The following KCNH5 variants were observed in gnomAD, a reference collection of about 807,000 sequenced individuals.
The protein encoded by KCNH5 is voltage-gated delayed rectifier potassium channel KCNH5.
A neutral mutation model predicts 96.1 loss-of-function variants in KCNH5; 46 were observed. That is an observed-to-expected ratio of 0.48 (90% CI 0.38 to 0.61). The LOEUF (loss-of-function observed/expected upper bound fraction) is 0.61, where lower values mean the gene tolerates loss of function less well. Among genes scored for constraint, KCNH5 ranks in the 20% least tolerant of loss-of-function variants. KCNH5 has a pLI of 0.00. For missense variants in KCNH5, 907 were observed against 1,225.8 expected (o/e 0.74, Z 3.88); for synonymous variants, 439 against 449.8 (o/e 0.98, Z 0.30).
At chr14:62,999,222 G>A (rs887434181) in intron 4 of KCNH5, among the ~76,000 whole-genome samples, 6 of 152,110 alleles carry the variant, frequency 3.9e-5, no homozygotes, top group Non-Finnish European at 8.8e-5. Flanking sequence ...TTTAATGATT[G>A]CCATTCTAAC....
At chr14:63,006,538 C>A (rs771600403) in intron 2 of KCNH5, 66 bp from the exon 3 acceptor site, 88 of 905,238 alleles carry the variant, frequency 9.7e-5, no homozygotes, top group Non-Finnish European at 1.5e-4. Flanking sequence ...CTACAAAAAT[C>A]ATATAATTGT....
rs1886168818 is a variant in KCNH5, at chr14:62,779,757, G to T, written c.1990C>A (p.Leu664Ile). The change falls in exon 10 of 11, where the codon CTC (leucine) becomes ATC (isoleucine). Residue 664 changes from leucine to isoleucine, a missense_variant. By Grantham distance (5) the Leu-to-Ile change is conservative. Transcript: ENST00000322893. ...TTCCTCAGATTGCAAGTAAGAGTGA[G>T]ATTCCTTGAGAAGGAGTTTGCAAAA... The part of the protein sequence containing the change: ...TAFANSFSRN[L>I]TLTCNLRKRI... 2.5e-6 allele frequency: 4 copies of T among 1,613,878 alleles called. No individual in the cohort carries two copies. The highest frequency in any genetic ancestry group is 3.4e-6 in the Non-Finnish European group (4 of 1,179,874).
chr14:62,895,883 C>A (rs1023804556), intron 7 of KCNH5, among the ~76,000 whole-genome samples: 5 of 152,178 alleles, frequency 3.3e-5, no homozygotes, highest in African/African-American at 1.2e-4. Context: ...ACTTTGAACT[C>A]TGCCTTCTAT....
intron 7 of KCNH5, among the ~76,000 whole-genome samples, chr14:62,935,034 T>C (rs1414335448): frequency 6.6e-6 from 1 of 152,096 alleles, no homozygotes; most frequent in Admixed American, 6.6e-5. Context: ...AGTACAGCCA[T>C]AGCACAGATG....
chr14:62,997,305 T>C (rs1189105775), intron 4 of KCNH5, among the ~76,000 whole-genome samples: 2 of 150,340 alleles, frequency 1.3e-5, no homozygotes, highest in Non-Finnish European at 2.9e-5. Context: ...GGGGAGATGG[T>C]TAATGGGTAT....
chr14:62,723,034 A>T (rs1884849156), intron 10 of KCNH5, among the ~76,000 whole-genome samples: 1 of 152,228 alleles, frequency 6.6e-6, no homozygotes, highest in Non-Finnish European at 1.5e-5. Context: ...CATTGTCCCC[A>T]GAAACACATC....
intron 10 of KCNH5, among the ~76,000 whole-genome samples, chr14:62,747,578 T>C (rs936122619): frequency 6.6e-6 from 1 of 151,886 alleles, no homozygotes; most frequent in African/African-American, 2.4e-5. Flanking sequence ...AGGATGAGCT[T>C]AGAACCTGTA....
At chr14:62,810,545 A>G (rs1334320864) in intron 8 of KCNH5, among the ~76,000 whole-genome samples, 1 of 152,118 alleles carries the variant, frequency 6.6e-6, no homozygotes, top group Non-Finnish European at 1.5e-5. Flanking sequence ...CTGATAAAAT[A>G]GCTTGCAGTA....
At chr14:62,795,601 G>C (rs1248006028) in intron 9 of KCNH5, among the ~76,000 whole-genome samples, 3 of 152,284 alleles carry the variant, frequency 2.0e-5, no homozygotes, top group African/African-American at 4.8e-5. Context: ...GTCTCTGTGA[G>C]GGTGTTCTGA....
chr14:62,857,895 A>C (rs1887960165), intron 7 of KCNH5, among the ~76,000 whole-genome samples: 1 of 152,166 alleles, frequency 6.6e-6, no homozygotes, highest in Non-Finnish European at 1.5e-5. Context: ...ACTTGAACCC[A>C]TATACATCTC....
At chr14:62,898,119 T>G (rs973605987) in intron 7 of KCNH5, among the ~76,000 whole-genome samples, 2 of 152,144 alleles carry the variant, frequency 1.3e-5, no homozygotes, top group African/African-American at 4.8e-5. Flanking sequence ...TTAAGTATCT[T>G]AGAATATGTT....
chr14:63,038,018 AGGAAGTGAACATG>A (rs1201902900), intron 1 of KCNH5, among the ~76,000 whole-genome samples: 6 of 152,216 alleles, frequency 3.9e-5, no homozygotes, highest in Non-Finnish European at 8.8e-5. Context: ...AATTTGGAAT[AGGAAGTGAACATG>A]GGATCCATTT....
chr14:62,986,010 C>G (rs1362635359), intron 5 of KCNH5, among the ~76,000 whole-genome samples: 2 of 152,150 alleles, frequency 1.3e-5, no homozygotes, highest in Admixed American at 6.5e-5. Context: ...ACACACTATT[C>G]TAATGTATTA....
chr14:62,766,922 T>C (rs1282724025), intron 10 of KCNH5, among the ~76,000 whole-genome samples: 1 of 152,080 alleles, frequency 6.6e-6, no homozygotes, highest in Non-Finnish European at 1.5e-5. Flanking sequence ...CATGCCTATA[T>C]CAAAACATCT....
chr14:62,997,886 C>A (rs1470677694), intron 4 of KCNH5, among the ~76,000 whole-genome samples: 1 of 132,408 alleles, frequency 7.6e-6, no homozygotes, highest in Admixed American at 7.8e-5. Flanking sequence ...GGGGACAGAG[C>A]CAGACTCCAT....
rs1194983106 is a variant in KCNH5 at position 62,943,797 on chromosome 14, G to GA, written c.1369+6335dup. On this transcript the variant is annotated intron_variant, in intron 7 of 10. Transcript: ENST00000322893. Reference sequence around the variant, plus strand: ...AGGTCACTCAAGGCAGACAGAGTATGAAAAAACCAAGAGAAGACAAATTTA... The same window carrying GA: ...AGGTCACTCAAGGCAGACAGAGTATGAAAAAAACCAAGAGAAGACAAATTTA... Among the ~76,000 whole-genome samples the GA allele has an allele frequency of 2.6e-5, 4 of 152,070 alleles. No individual in the cohort carries two copies. In the East Asian group the frequency reaches 7.7e-4, roughly 29 times the overall value.
At chr14:62,951,962 CAA>C (rs36114434) in intron 6 of KCNH5, among the ~76,000 whole-genome samples, 3 of 105,512 alleles carry the variant, frequency 2.8e-5, no homozygotes, top group Admixed American at 1.2e-4. Context: ...GACTCCGTCT[CAA>C]AAAAAAAAAA....
chr14:63,016,540 T>A (rs1172923086), intron 2 of KCNH5, among the ~76,000 whole-genome samples: 3 of 152,094 alleles, frequency 2.0e-5, no homozygotes, highest in Non-Finnish European at 2.9e-5. Flanking sequence ...AAGACGTTCC[T>A]CTGATTACTC....
intron 10 of KCNH5, among the ~76,000 whole-genome samples, chr14:62,737,500 G>A (rs1885183621): frequency 6.6e-6 from 1 of 152,114 alleles, no homozygotes; most frequent in Non-Finnish European, 1.5e-5. Context: ...GTTAAAATGA[G>A]AAGAAATCCA....
Sources: allele counts gnomAD v4.1 joint callset (sites outside exome capture counted in the v4.1 genomes callset), GRCh38; gene constraint gnomAD v4.1.1; transcripts MANE v1.5; gene names NCBI Gene and HGNC (gene_info 2026-07-23, HGNC 2026-07-21).